ERCC6L2: variants seen among roughly 807,000 people sequenced by gnomAD.
The protein encoded by ERCC6L2 is ERCC excision repair 6 like 2, also known as DNA excision repair protein ERCC-6-like 2.
ERCC6L2 carries 77 observed loss-of-function variants against 132.0 expected under a neutral mutation model. The ratio of observed to expected loss-of-function variants is 0.58; its 90% CI spans 0.49 to 0.71. ERCC6L2 has a LOEUF of 0.71. Ranked by LOEUF, ERCC6L2 falls within the 30% of genes least tolerant of loss-of-function variation. The probability of loss-of-function intolerance (pLI) is 0.00; values close to 1 mark genes in which losing one functional copy is unlikely to be tolerated. For synonymous variants in ERCC6L2, 583 were observed against 632.4 expected, an observed-to-expected ratio of 0.92 and a Z score of 1.17; for missense variants, 1,542 against 1,837.6, an observed-to-expected ratio of 0.84 and a Z score of 2.94.
intron 11 of ERCC6L2, 35 bp downstream of exon 11, chr9:95,928,899 C>T: frequency 7.1e-7 from 1 of 1,400,046 alleles, no homozygotes; most frequent in Non-Finnish European, 9.5e-7. Flanking sequence ...AGATTTTTAT[C>T]CAATTGTTTT....
At chr9:95,914,875 T>C (rs905134853) in intron 4 of ERCC6L2, among the ~76,000 whole-genome samples, 2 of 149,202 alleles carry the variant, frequency 1.3e-5, no homozygotes, top group African/African-American at 2.5e-5. Context: ...AAATTTTTTT[T>C]CCCATTTTTT....
chr9:95,914,604 A>G, intron 4 of ERCC6L2, among the ~76,000 whole-genome samples: 1 of 152,130 alleles, frequency 6.6e-6, no homozygotes. Context: ...CACCCGCCTC[A>G]GCCTCCCAAA....
At chr9:95,933,183 A>G (rs185321599) in intron 11 of ERCC6L2, among the ~76,000 whole-genome samples, 10 of 152,348 alleles carry the variant, frequency 6.6e-5, no homozygotes, top group Non-Finnish European at 7.3e-5. Context: ...CTTGCCATCA[A>G]GAAGGTAACT....
chr9:96,038,309 A>T (rs891863547), intron 19 of ERCC6L2, among the ~76,000 whole-genome samples: 1 of 152,208 alleles, frequency 6.6e-6, no homozygotes. Flanking sequence ...ATGTAGAATG[A>T]TCAAGCCCGA....
rs1201706554 is a variant in ERCC6L2 at position 95,897,933 on chromosome 9, A to G, written c.556A>G (p.Ser186Gly). Residue 186 changes from serine (S) to glycine (G), a missense_variant, in exon 3 of 19, where the codon AGT becomes GGT. Physicochemically the swap from Ser to Gly is moderately conservative, Grantham distance 56. This residue lies in a region of ERCC6L2 where 945 missense variants were observed against 1,105.2 expected (regional missense o/e 0.86). Coordinates refer to ENST00000653738, the MANE Select transcript of ERCC6L2 (RefSeq NM_020207.7). The part of the protein sequence containing the change: ...ENNMPEFLLR[S>G]MKKEPLSSTA... ...TAACATGCCAGAGTTTTTACTAAGAAGTATGAAAAAGGAACCCCTTTCTTC... is the reference window on the plus strand; with the variant it reads ...TAACATGCCAGAGTTTTTACTAAGAGGTATGAAAAAGGAACCCCTTTCTTC... 4 of 1,612,314 alleles carry G rather than the reference A, an allele frequency of 2.5e-6. No individual in the cohort carries two copies. Among genetic ancestry groups the G allele is most frequent in the Non-Finnish European group, 3.4e-6 (4 of 1,179,202 alleles).
At chr9:95,956,513 A>G in intron 13 of ERCC6L2, among the ~76,000 whole-genome samples, 1 of 152,194 alleles carries the variant, frequency 6.6e-6, no homozygotes, top group Admixed American at 6.6e-5. Context: ...TCATGCTGCC[A>G]TAAAGAACTG....
chr9:96,026,331 G>A (rs532996448), intron 19 of ERCC6L2, among the ~76,000 whole-genome samples: 2 of 152,300 alleles, frequency 1.3e-5, no homozygotes, highest in South Asian at 4.1e-4. Flanking sequence ...AGAACCTGGC[G>A]GGAGCTCGCT....
At chr9:96,008,186 G>A (rs755844368) in intron 18 of ERCC6L2, among the ~76,000 whole-genome samples, 2 of 152,008 alleles carry the variant, frequency 1.3e-5, no homozygotes, top group African/African-American at 2.4e-5. Flanking sequence ...CTCTGTTCTC[G>A]ATCGCCTCCA....
At chr9:95,964,784 A>G (rs1832078406) in intron 13 of ERCC6L2, among the ~76,000 whole-genome samples, 1 of 152,130 alleles carries the variant, frequency 6.6e-6, no homozygotes, top group South Asian at 2.1e-4. Flanking sequence ...GAATTTGAAC[A>G]TGATTTCATT....
At chr9:95,907,053 C>G (rs76831529) in intron 3 of ERCC6L2, 25 bp from the exon 4 acceptor site, 49,435 of 1,563,750 alleles carry the variant, frequency 0.032, 877 homozygotes, top group Admixed American at 0.047. Context: ...TAAAAAACAG[C>G]AAAATTTTTT....
At chr9:96,001,971 C>T (rs558692695) in intron 17 of ERCC6L2, among the ~76,000 whole-genome samples, 10 of 152,384 alleles carry the variant, frequency 6.6e-5, no homozygotes, top group African/African-American at 1.7e-4. Flanking sequence ...GGTGCTAAGT[C>T]CCCCATTGCC....
intron 12 of ERCC6L2, among the ~76,000 whole-genome samples, chr9:95,948,576 G>T (rs560711841): frequency 6.6e-6 from 1 of 152,054 alleles, no homozygotes; most frequent in Non-Finnish European, 1.5e-5. Context: ...AACCCGGGAG[G>T]TGGAGGCTGC....
intron 13 of ERCC6L2, among the ~76,000 whole-genome samples, chr9:95,959,691 A>G (rs924369298): frequency 3.3e-5 from 5 of 152,098 alleles, no homozygotes; most frequent in African/African-American, 9.6e-5. Flanking sequence ...CAAGAAAAAA[A>G]CAACCCCATC....
At position 95,876,030 on chromosome 9, in the gene ERCC6L2, C is replaced by G. The variant is rs371970239; in HGVS notation, c.-9C>G. On this transcript the variant is annotated 5_prime_UTR_variant, in exon 1 of 19. Transcript: ENST00000653738. ...CATGCAGCCGGGCTCGGCCCCTCCC[C>G]CTGGCCGGATGGATCCGTCGGCGCC... 7 of 1,588,226 alleles carry G rather than the reference C, an allele frequency of 4.4e-6. No homozygotes were observed. Among genetic ancestry groups the G allele is most frequent in the Non-Finnish European group, 6.0e-6 (7 of 1,168,254 alleles).
chr9:96,004,752 T>C (rs1249490960), intron 18 of ERCC6L2, 51 bp downstream of exon 18: 1 of 1,134,394 alleles, frequency 8.8e-7, no homozygotes, highest in Admixed American at 2.5e-5. Flanking sequence ...TCAAAGGAAA[T>C]GTAGCTCATT....
chr9:96,020,508 G>A (rs1267634553), downstream of ERCC6L2: 5 of 328,134 alleles, frequency 1.5e-5, no homozygotes, highest in South Asian at 7.2e-5. Context: ...TAGGGGCGCC[G>A]CTCACCTCCT....
At chr9:95,903,584 A>G (rs151079487) in intron 3 of ERCC6L2, among the ~76,000 whole-genome samples, 1 of 152,072 alleles carries the variant, frequency 6.6e-6, no homozygotes, top group Admixed American at 6.5e-5. Flanking sequence ...TTTTGATAGA[A>G]TATCAAGTTT....
intron 4 of ERCC6L2, among the ~76,000 whole-genome samples, chr9:95,908,699 A>G (rs1339392171): frequency 2.0e-5 from 3 of 152,174 alleles, no homozygotes; most frequent in Non-Finnish European, 4.4e-5. Context: ...CAGGGATACA[A>G]TTTATACCTT....
intron 17 of ERCC6L2, among the ~76,000 whole-genome samples, chr9:96,001,100 G>A (rs1004389521): frequency 5.9e-5 from 9 of 151,938 alleles, no homozygotes; most frequent in Admixed American, 3.3e-4. Context: ...CATTCCTCCC[G>A]GTGGGCTCGT....
Sources: gnomAD v4.1 joint callset for allele counts (sites outside exome capture counted in the v4.1 genomes callset) on GRCh38, gnomAD v4.1.1 for gene constraint, gnomAD v4.1.1 regional missense constraint, MANE v1.5 for transcripts, NCBI Gene and HGNC (gene_info 2026-07-23, HGNC 2026-07-21) for gene names.